Variants in VWC2L observed in about 807,000 individuals in gnomAD.
VWC2L encodes von Willebrand factor C domain-containing protein 2-like.
A neutral mutation model predicts 21.6 loss-of-function variants in VWC2L; 10 were observed. The observed-to-expected ratio is 0.46, with a 90% CI of 0.29 to 0.78. VWC2L has a LOEUF of 0.78. VWC2L is among the 30% of genes least tolerant of loss of function. VWC2L has a pLI of 0.10. For synonymous variants in VWC2L, 96 were observed against 94.3 expected (o/e 1.02, Z -0.10); for missense variants, 209 against 277.1 (o/e 0.75, Z 1.74).
At chr2:214,574,060 C>T (rs1423420473) in intron 3 of VWC2L, among the ~76,000 whole-genome samples, 7 of 152,120 alleles carry the variant, frequency 4.6e-5, no homozygotes, top group Non-Finnish European at 8.8e-5. Context: ...GAGAATTGCT[C>T]AAGTCCTGGA....
intron 3 of VWC2L, among the ~76,000 whole-genome samples, chr2:214,465,338 G>A (rs1703200188): frequency 6.6e-6 from 1 of 152,082 alleles, no homozygotes; most frequent in Non-Finnish European, 1.5e-5. Flanking sequence ...AGGGCTCTTT[G>A]GTCAGCATAT....
At chr2:214,513,010 A>G (rs1408509932) in intron 3 of VWC2L, among the ~76,000 whole-genome samples, 1 of 152,120 alleles carries the variant, frequency 6.6e-6, no homozygotes, top group African/African-American at 2.4e-5. Context: ...GTGATAGTCC[A>G]ACTATGATGA....
intron 2 of VWC2L, among the ~76,000 whole-genome samples, chr2:214,428,943 C>T (rs980922585): frequency 1.3e-5 from 2 of 151,912 alleles, no homozygotes; most frequent in African/African-American, 4.8e-5. Flanking sequence ...AATTCAGTGT[C>T]ATCCACACAC....
intron 2 of VWC2L, among the ~76,000 whole-genome samples, chr2:214,419,895 C>T (rs986914483): frequency 4.6e-5 from 7 of 152,164 alleles, no homozygotes; most frequent in Admixed American, 3.3e-4. Context: ...CCTGCCTCTA[C>T]TAAAAATACA....
At chr2:214,443,198 G>C (rs1702786691) in intron 3 of VWC2L, among the ~76,000 whole-genome samples, 1 of 151,986 alleles carries the variant, frequency 6.6e-6, no homozygotes, top group African/African-American at 2.4e-5. Context: ...GGCCAGCATG[G>C]TGAAACCCTG....
chr2:214,567,443 A>G (rs1464805528), intron 3 of VWC2L, among the ~76,000 whole-genome samples: 1 of 152,006 alleles, frequency 6.6e-6, no homozygotes, highest in African/African-American at 2.4e-5. Context: ...TTTGCAGTTT[A>G]GAGAAGAGAT....
chr2:214,506,038 T>C (rs879184890), intron 3 of VWC2L, among the ~76,000 whole-genome samples: 2 of 152,328 alleles, frequency 1.3e-5, no homozygotes, highest in Admixed American at 1.3e-4. Flanking sequence ...TATGAAAATG[T>C]TATACGTATG....
At chr2:214,518,296 G>A (rs1689177526) in intron 3 of VWC2L, among the ~76,000 whole-genome samples, 1 of 152,156 alleles carries the variant, frequency 6.6e-6, no homozygotes, top group African/African-American at 2.4e-5. Context: ...CTCATATGTA[G>A]TATGTATAAC....
intron 3 of VWC2L, among the ~76,000 whole-genome samples, chr2:214,495,777 T>C (rs1038780278): frequency 6.6e-6 from 1 of 152,206 alleles, no homozygotes; most frequent in African/African-American, 2.4e-5. Flanking sequence ...ACTCTCAAGC[T>C]GTATTATTTT....
At chr2:214,413,605 AG>A (rs1298903907) in intron 1 of VWC2L, among the ~76,000 whole-genome samples, 1 of 152,178 alleles carries the variant, frequency 6.6e-6, no homozygotes, top group Non-Finnish European at 1.5e-5. Context: ...AATCCTTTAT[AG>A]TAGCTCCTTC....
chr2:214,447,161 G>A (rs147468690), intron 3 of VWC2L, among the ~76,000 whole-genome samples: 2 of 152,258 alleles, frequency 1.3e-5, no homozygotes, highest in Non-Finnish European at 2.9e-5. Context: ...TGACTGGGAA[G>A]TGAAGGCATT....
intron 3 of VWC2L, among the ~76,000 whole-genome samples, chr2:214,547,648 A>T (rs1689730318): frequency 6.6e-6 from 1 of 152,204 alleles, no homozygotes; most frequent in African/African-American, 2.4e-5. Context: ...CACTGAAATT[A>T]TATCTAGCTT....
chr2:214,524,553 A>C (rs1038641252), intron 3 of VWC2L, among the ~76,000 whole-genome samples: 1 of 152,182 alleles, frequency 6.6e-6, no homozygotes, highest in Non-Finnish European at 1.5e-5. Flanking sequence ...ATTCTAACCT[A>C]TTCTGCATTC....
rs150393387 is a variant in VWC2L, at chr2:214,480,832, G to T, written c.520+44074G>T. ...CCTAACAGAATAAAAGGCTGAAAAA[G>T]TCTTCTTTATTCAGAGGTCCATATG... On this transcript the variant is annotated intron_variant, in intron 3 of 3. Coordinates refer to ENST00000312504, the MANE Select transcript of VWC2L (RefSeq NM_001080500.4). 2.9e-3 allele frequency among the ~76,000 whole-genome samples: 295 copies of T among 100,854 alleles called. 1 individual carries two copies. The highest frequency in any genetic ancestry group is 0.011 in the African/African-American group (285 of 26,354). 66.2% of individuals were successfully genotyped at this position (100,854 alleles called of 152,430 possible). A position where few individuals can be genotyped will look rare whatever the true frequency, so the allele number is the denominator to read the frequency against.
At chr2:214,437,732 G>C (rs560655787) in intron 3 of VWC2L, among the ~76,000 whole-genome samples, 2 of 152,054 alleles carry the variant, frequency 1.3e-5, no homozygotes, top group African/African-American at 4.8e-5. Flanking sequence ...TTACAGAAGG[G>C]TAATTAGTAA....
chr2:214,461,043 T>C (rs1703132833), intron 3 of VWC2L, among the ~76,000 whole-genome samples: 1 of 152,220 alleles, frequency 6.6e-6, no homozygotes, highest in Non-Finnish European at 1.5e-5. Flanking sequence ...GTGGTATGTA[T>C]AATTTCCTCA....
intron 3 of VWC2L, among the ~76,000 whole-genome samples, chr2:214,520,367 T>G (rs987560703): frequency 1.3e-5 from 2 of 152,162 alleles, no homozygotes; most frequent in African/African-American, 2.4e-5. Context: ...TCTGTAAATA[T>G]TCCATTTTTT....
chr2:214,425,798 CGCCTAGTCTATCTA>C (rs1237073353), intron 2 of VWC2L, among the ~76,000 whole-genome samples: 2 of 152,042 alleles, frequency 1.3e-5, no homozygotes, highest in African/African-American at 4.8e-5. Flanking sequence ...CCTCAAGGTG[CGCCTAGTCTATCTA>C]AAGGAATAAT....
chr2:214,442,175 G>A (rs180910182), intron 3 of VWC2L, among the ~76,000 whole-genome samples: 11 of 152,198 alleles, frequency 7.2e-5, no homozygotes, highest in East Asian at 1.9e-4. Flanking sequence ...CTCCCAAAGC[G>A]CTGGGATTAC....
Sources: allele counts gnomAD v4.1 joint callset (sites outside exome capture counted in the v4.1 genomes callset), GRCh38; gene constraint gnomAD v4.1.1; transcripts MANE v1.5; gene names NCBI Gene and HGNC (gene_info 2026-07-23, HGNC 2026-07-21).